ADGRV1: variants seen among roughly 807,000 people sequenced by gnomAD.
ADGRV1 encodes the protein G-protein coupled receptor 98.
Under a neutral mutation model 596.2 loss-of-function variants are expected in ADGRV1, and 359 were observed. That is an observed-to-expected ratio of 0.60 (90% CI 0.55 to 0.66). The LOEUF is 0.66. ADGRV1 is among the 30% of genes least tolerant of loss of function. The probability of loss-of-function intolerance (pLI) is 0.00; values close to 1 mark genes in which losing one functional copy is unlikely to be tolerated. For missense variants in ADGRV1, 7,274 were observed against 7,575.6 expected, an observed-to-expected ratio of 0.96 and a Z score of 1.48; for synonymous variants, 2,681 against 2,679.2, an observed-to-expected ratio of 1.00 and a Z score of -0.02.
chr5:91,035,861 T>TAAAATATATATATATATATATATATAATA, intron 85 of ADGRV1, among the ~76,000 whole-genome samples: 32 of 96,404 alleles, frequency 3.3e-4, no homozygotes, highest in Non-Finnish European at 6.1e-4. Flanking sequence ...TATATATATA[T>TAAAATATATATATATATATATATATAATA]TATATATATA....
In ADGRV1 at chr5:90,745,458, G is replaced by T. The variant is rs1754509075; in HGVS notation, c.10770-133G>T. On this transcript the variant is annotated intron_variant, in intron 51 of 89. Transcript: ENST00000405460. ...TTATCAGTATTACATGAATATTTTG[G>T]ATTAAAATTTTCGTTATGAAATGTT... 4 of 747,000 alleles carry T rather than the reference G, an allele frequency of 5.4e-6. No homozygotes were observed. The South Asian group carries it at 8.5e-5, about 16-fold the overall frequency. 46.3% of individuals were successfully genotyped at this position (747,000 alleles called of 1,614,324 possible).
intron 76 of ADGRV1, chr5:90,825,672 G>A (rs534463661): frequency 6.6e-6 from 1 of 152,286 alleles, no homozygotes; most frequent in Non-Finnish European, 1.5e-5. Context: ...AGAGAAATAG[G>A]AAAGTTAAAG....
chr5:90,785,414 TTAAAC>T (rs1283452202), intron 67 of ADGRV1, among the ~76,000 whole-genome samples: 15 of 152,164 alleles, frequency 9.9e-5, no homozygotes, highest in African/African-American at 3.1e-4. Context: ...TGGGATCTAA[TTAAAC>T]TAAAGAGCTT....
At chr5:91,069,666 A>G (rs1270944952) in intron 85 of ADGRV1, among the ~76,000 whole-genome samples, 1 of 152,196 alleles carries the variant, frequency 6.6e-6, no homozygotes, top group Non-Finnish European at 1.5e-5. Context: ...TGGTGTGAAT[A>G]TAAATTACTT....
intron 83 of ADGRV1, among the ~76,000 whole-genome samples, chr5:90,955,507 C>T (rs1177779738): frequency 2.0e-5 from 3 of 152,028 alleles, no homozygotes; most frequent in African/African-American, 7.2e-5. Flanking sequence ...AACCTTGGCT[C>T]TGGAATCAGG....
chr5:91,020,584 C>T (rs988134530), intron 85 of ADGRV1, among the ~76,000 whole-genome samples: 5 of 151,980 alleles, frequency 3.3e-5, no homozygotes, highest in Admixed American at 6.6e-5. Context: ...CTTTCAATCA[C>T]GCCATTGCCT....
chr5:90,829,669 A>G (rs1267832937), intron 77 of ADGRV1, among the ~76,000 whole-genome samples: 2 of 152,188 alleles, frequency 1.3e-5, no homozygotes, highest in Admixed American at 6.5e-5. Flanking sequence ...GTGACATCAG[A>G]TAAAAGACAG....
chr5:90,809,822 G>A (rs1027648104), intron 73 of ADGRV1, among the ~76,000 whole-genome samples: 4 of 152,180 alleles, frequency 2.6e-5, no homozygotes, highest in African/African-American at 9.7e-5. Context: ...AGAAAGCAAG[G>A]ATTTTACTGC....
At chr5:90,821,049 A>C (rs1405554200) in intron 75 of ADGRV1, among the ~76,000 whole-genome samples, 2 of 152,112 alleles carry the variant, frequency 1.3e-5, no homozygotes, top group Non-Finnish European at 1.5e-5. Flanking sequence ...ACTTTCAGGT[A>C]CACCAATCAG....
intron 59 of ADGRV1, among the ~76,000 whole-genome samples, chr5:90,765,684 C>T (rs1036849866): frequency 3.3e-5 from 5 of 151,590 alleles, no homozygotes; most frequent in Non-Finnish European, 7.4e-5. Flanking sequence ...TTATTGTTAC[C>T]TATGTCAAAT....
At chr5:90,797,286 G>GAAAAAAAAAAA (rs1760837377) in intron 70 of ADGRV1, among the ~76,000 whole-genome samples, 4 of 23,614 alleles carry the variant, frequency 1.7e-4, no homozygotes, top group African/African-American at 1.9e-4. Flanking sequence ...CAAATGAAAA[G>GAAAAAAAAAAA]CAAAAAAAAA....
At chr5:90,820,881 A>T (rs1015105626) in intron 75 of ADGRV1, among the ~76,000 whole-genome samples, 21 of 151,932 alleles carry the variant, frequency 1.4e-4, no homozygotes, top group Admixed American at 7.9e-4. Context: ...GGTGAATCTG[A>T]CAGTTATGTG....
intron 85 of ADGRV1, among the ~76,000 whole-genome samples, chr5:91,030,809 G>A (rs1293191886): frequency 1.3e-5 from 2 of 152,050 alleles, no homozygotes; most frequent in African/African-American, 4.8e-5. Context: ...CTCTGTCTCA[G>A]GCTTTACCTA....
chr5:90,660,783 A>G (rs1472607616), intron 21 of ADGRV1, among the ~76,000 whole-genome samples: 1 of 152,360 alleles, frequency 6.6e-6, no homozygotes, highest in Non-Finnish European at 1.5e-5. Flanking sequence ...TTTTTCATAG[A>G]TTAATATGAC....
chr5:90,686,752 A>G (rs1226757276), intron 29 of ADGRV1, among the ~76,000 whole-genome samples: 1 of 152,176 alleles, frequency 6.6e-6, no homozygotes, highest in Non-Finnish European at 1.5e-5. Context: ...GCTGGGTCAG[A>G]TGGTATTTCT....
At chr5:90,927,666 C>A (rs1461925873) in intron 83 of ADGRV1, among the ~76,000 whole-genome samples, 1 of 151,508 alleles carries the variant, frequency 6.6e-6, no homozygotes, top group African/African-American at 2.4e-5. Context: ...TGAATTTGAT[C>A]CTGTCATTAT....
chr5:91,106,139 A>G (rs1333449376), intron 87 of ADGRV1, among the ~76,000 whole-genome samples: 1 of 151,968 alleles, frequency 6.6e-6, no homozygotes, highest in Non-Finnish European at 1.5e-5. Flanking sequence ...TGGTTTTTGT[A>G]TAGGGTGAGA....
At chr5:90,971,080 T>G (rs1581668026) in intron 84 of ADGRV1, among the ~76,000 whole-genome samples, 2 of 152,050 alleles carry the variant, frequency 1.3e-5, no homozygotes, top group South Asian at 4.2e-4. Context: ...GTAGCCGATT[T>G]GATCAACTGG....
intron 50 of ADGRV1, among the ~76,000 whole-genome samples, chr5:90,731,414 A>C (rs2203824): frequency 0.13 from 19,600 of 152,124 alleles, 3,695 homozygotes; most frequent in African/African-American, 0.41. Flanking sequence ...ATTTGACATG[A>C]GATTTGGGTT....
Sources: gnomAD v4.1 joint callset for allele counts (sites outside exome capture counted in the v4.1 genomes callset) on GRCh38, gnomAD v4.1.1 for gene constraint, MANE v1.5 for transcripts, NCBI Gene and HGNC (gene_info 2026-07-23, HGNC 2026-07-21) for gene names.